The following DNM1 variants were observed in gnomAD, a reference collection of about 807,000 sequenced individuals.
DNM1 encodes the protein dynamin 1, also known as dynamin-1.
In DNM1, 29 loss-of-function variants were observed where a neutral mutation model predicts 104.6. That is an observed-to-expected ratio of 0.28 (90% CI 0.21 to 0.38). The LOEUF (loss-of-function observed/expected upper bound fraction) is 0.38. Ranked by LOEUF, DNM1 falls within the 10% of genes least tolerant of loss-of-function variation. DNM1 has a pLI of 1.00. For synonymous variants in DNM1, 445 were observed against 475.8 expected (o/e 0.94, Z 0.84); for missense variants, 640 against 1,189.4 (o/e 0.54, Z 6.79).
chr9:128,246,381 C>T lies in DNM1; in HGVS notation c.1672-13C>T. 1 of 1,601,470 alleles carries T rather than the reference C, an allele frequency of 6.2e-7. No individual in the cohort carries two copies. The highest frequency in any genetic ancestry group is 8.6e-7 in the Non-Finnish European group (1 of 1,168,510). On this transcript the variant is annotated splice_polypyrimidine_tract_variant and intron_variant, in intron 15 of 21. Transcript: ENST00000372923. ...TGCCAACCTCACCCCATTGCTCCTA[C>T]CTGCACCCACAGGAGAAAGAGAAGA...
intron 11 of DNM1, 143 bp downstream of exon 11, chr9:128,234,250 TTC>T (rs1025466796): frequency 4.4e-6 from 3 of 682,644 alleles, no homozygotes; most frequent in East Asian, 5.7e-5. Flanking sequence ...GACTCTCTGC[TTC>T]TCTCTCTTTT....
chr9:128,254,570 C>CCCGG lies in DNM1; in HGVS notation c.2535-80_2535-77dup, dbSNP rs761733950. ...CCACCACTGCTGCGGCGCGGCCGGC[C>CCCGG]CCGGCCGTGTGCTGCGCTTGCCTTA... On this transcript the variant is annotated intron_variant, in intron 21 of 21. Coordinates refer to ENST00000372923, the MANE Select transcript of DNM1 (RefSeq NM_004408.4). The surrounding 1 kb of genome is among the most constrained non-coding windows in gnomAD (Gnocchi z 6.1). 1.4e-5 allele frequency: 22 copies of CCCGG among 1,588,566 alleles called. No homozygotes were observed. Among genetic ancestry groups the CCCGG allele is most frequent in the South Asian group, 4.4e-5 (4 of 90,778 alleles).
chr9:128,242,199 T>C (rs769566303), intron 14 of DNM1, 33 bp from the exon 15 acceptor site: 1 of 1,278,302 alleles, frequency 7.8e-7, no homozygotes, highest in South Asian at 1.2e-5. Context: ...GCTCAGGCCC[T>C]GTCCACTGAC....
At chr9:128,221,604 A>G (rs1438462960) in intron 6 of DNM1, among the ~76,000 whole-genome samples, 1 of 152,152 alleles carries the variant, frequency 6.6e-6, no homozygotes, top group East Asian at 1.9e-4. Context: ...ACGTCTAAAA[A>G]TATTAAATTG....
At chr9:128,233,916 T>C in intron 10 of DNM1, 105 bp from the exon 11 acceptor site, 3 of 1,018,746 alleles carry the variant, frequency 2.9e-6, no homozygotes, top group South Asian at 1.4e-5. Context: ...GCATTCTGTG[T>C]GTGCCTCCCA....
chr9:128,248,111 A>C lies in DNM1; in HGVS notation c.1905+176A>C. ...TGGGAGGCCGAGGTGGGCGGATCAC[A>C]AGGTCAGGAGTTCGAGACCAGCCTG... On this transcript the variant is annotated intron_variant, in intron 18 of 21. Coordinates refer to ENST00000372923, the MANE Select transcript of DNM1 (RefSeq NM_004408.4). This position sits in a 1 kb window ranked among gnomAD's most constrained non-coding sequence, Gnocchi z 5.6. 2 of 821,454 alleles carry C rather than the reference A, an allele frequency of 2.4e-6. No homozygotes were observed. Among genetic ancestry groups the C allele is most frequent in the South Asian group, 2.8e-5 (2 of 70,972 alleles). The allele number at this position is 821,454 out of a possible 1,614,324, so 50.9% of individuals were successfully genotyped here.
intron 1 of DNM1, chr9:128,204,486 GCGCT>G (rs1833772666): frequency 6.6e-6 from 1 of 152,366 alleles, no homozygotes; most frequent in African/African-American, 2.4e-5. Context: ...ATCCCACAAG[GCGCT>G]GAGAGGCCTA....
At position 128,220,194 on chromosome 9, in the gene DNM1, G is replaced by A. The variant is rs754094661; in HGVS notation, c.702G>A (p.Val234=). The part of the protein sequence containing the change: ...LLPLRRGYIG[V]VNRSQKDIDG... The stretch of plus-strand genomic sequence containing the variant: ...TACTGTTCACAGGCTACATTGGAGT[G>A]GTGAACCGGAGCCAGAAGGACATTG... The change falls in exon 6 of 22, where the codon GTG becomes GTA. Residue 234 remains valine (V), a synonymous_variant. Coordinates refer to ENST00000372923, the MANE Select transcript of DNM1 (RefSeq NM_004408.4). The surrounding 1 kb of genome is among the most constrained non-coding windows in gnomAD (Gnocchi z 5.2). The A allele has an allele frequency of 5.5e-5, 88 of 1,614,028 alleles. No individual in the cohort carries two copies. The highest frequency in any genetic ancestry group is 2.3e-4 in the South Asian group (21 of 91,088).
Position 128,250,748 on chromosome 9 carries a change from C to A in DNM1, c.2342C>A (p.Pro781Gln). 1 of 1,438,088 alleles carries A rather than the reference C, an allele frequency of 7.0e-7. No homozygotes were observed. The highest frequency in any genetic ancestry group is 9.1e-7 in the Non-Finnish European group (1 of 1,100,150). 89.1% of individuals were successfully genotyped at this position (1,438,088 alleles called of 1,614,324 possible). ...GRRSPTSSPT[P>Q]QRRAPAVPPA... ...AGGTCGCCCACGTCCAGCCCCACGC[C>A]GCAGCGCCGAGCCCCCGCCGTGCCC... Residue 781 changes from proline to glutamine, a missense_variant, in exon 21 of 22, where the codon CCG becomes CAG. Physicochemically the swap from Pro to Gln is moderately conservative, Grantham distance 76. Transcript: ENST00000372923.
intron 10 of DNM1, chr9:128,226,298 T>G: frequency 1.4e-6 from 2 of 1,418,478 alleles, no homozygotes; most frequent in Non-Finnish European, 9.4e-7. Context: ...CCCTAGTGTT[T>G]CCTGCCAGTT....
At chr9:128,236,697 A>T (rs1020177762) in intron 11 of DNM1, among the ~76,000 whole-genome samples, 5 of 152,084 alleles carry the variant, frequency 3.3e-5, no homozygotes, top group African/African-American at 7.2e-5. Context: ...CAAAAAATTT[A>T]AAAAACTAGC....
intron 1 of DNM1, among the ~76,000 whole-genome samples, chr9:128,216,540 A>G (rs1834614680): frequency 1.3e-5 from 2 of 152,220 alleles, no homozygotes; most frequent in East Asian, 3.8e-4. Flanking sequence ...GGCAAGAATG[A>G]AAAGCATTTG....
At chr9:128,242,122 T>C (rs535159917) in intron 14 of DNM1, 110 bp from the exon 15 acceptor site, 79 of 703,778 alleles carry the variant, frequency 1.1e-4, no homozygotes, top group Admixed American at 1.1e-3. Flanking sequence ...CTGCCAGGCC[T>C]CAGAGAGCTG....
chr9:128,254,557 C>T lies in DNM1; in HGVS notation c.2535-97C>T, dbSNP rs537745845. ...CTCCCCGGCCCTCCCACCACTGCTG[C>T]GGCGCGGCCGGCCCCGGCCGTGTGC... On this transcript the variant is annotated intron_variant, in intron 21 of 21. Transcript: ENST00000372923. This position sits in a 1 kb window ranked among gnomAD's most constrained non-coding sequence, Gnocchi z 6.1. 22 of 1,578,862 alleles carry T rather than the reference C, an allele frequency of 1.4e-5. No homozygotes were observed. Among genetic ancestry groups the T allele is most frequent in the Non-Finnish European group, 1.8e-5 (21 of 1,170,740 alleles).
rs1836709103 is a variant in DNM1, at chr9:128,245,221, T to C, written c.1672-1173T>C. Among the ~76,000 whole-genome samples, 1 of 150,006 alleles carries C rather than the reference T, an allele frequency of 6.7e-6. No homozygotes were observed. Among genetic ancestry groups the C allele is most frequent in the African/African-American group, 2.4e-5 (1 of 40,836 alleles). ...CCTCTGGGGCTCCCGGCCACCCGCC[T>C]GGCATAAAGAGGGCTTTATGTGGCT... On this transcript the variant is annotated intron_variant, in intron 15 of 21. Transcript: ENST00000372923. This position sits in a 1 kb window ranked among gnomAD's most constrained non-coding sequence, Gnocchi z 5.2.
Position 128,240,065 on chromosome 9 carries a change from C to T in DNM1, c.1557+69C>T. The stretch of plus-strand genomic sequence containing the variant: ...CGGAGGGTCCATCGGCAGTGGGGAT[C>T]TGCAACGGGTAGGAGGGCACCCTTT... On this transcript the variant is annotated intron_variant, in intron 14 of 21. Transcript: ENST00000372923. This position sits in a 1 kb window ranked among gnomAD's most constrained non-coding sequence, Gnocchi z 5.1. The T allele has an allele frequency of 1.9e-6, 3 of 1,577,924 alleles. No homozygotes were observed. Among genetic ancestry groups the T allele is most frequent in the East Asian group, 4.5e-5 (2 of 44,678 alleles).
At chr9:128,239,422 C>T (rs1439706604) in intron 11 of DNM1, 23 bp from the exon 12 acceptor site, 1 of 1,609,004 alleles carries the variant, frequency 6.2e-7, no homozygotes, top group South Asian at 1.1e-5. Flanking sequence ...TGCGCTTGCC[C>T]ACCAACCTAT....
chr9:128,213,352 G>A (rs1173561311), intron 1 of DNM1, among the ~76,000 whole-genome samples: 2 of 152,152 alleles, frequency 1.3e-5, no homozygotes, highest in Non-Finnish European at 2.9e-5. Flanking sequence ...AAAGTGTTGG[G>A]ATTACAGGAG....
At chr9:128,210,080 C>CT (rs1029850706) in intron 1 of DNM1, among the ~76,000 whole-genome samples, 45 of 152,220 alleles carry the variant, frequency 3.0e-4, no homozygotes, top group African/African-American at 1.0e-3. Context: ...GGATCTCACT[C>CT]TGTCACCCAG....
Sources: gnomAD v4.1 joint callset for allele counts (sites outside exome capture counted in the v4.1 genomes callset) on GRCh38, gnomAD v4.1.1 for gene constraint, Gnocchi (gnomAD v3.1) non-coding constraint, MANE v1.5 for transcripts, NCBI Gene and HGNC (gene_info 2026-07-23, HGNC 2026-07-21) for gene names.